The following NAALADL2 variants were observed in gnomAD, a reference collection of about 807,000 sequenced individuals.
The protein encoded by NAALADL2 is N-acetylated alpha-linked acidic dipeptidase like 2.
NAALADL2 carries 76 observed loss-of-function variants against 87.2 expected under a neutral mutation model. The ratio of observed to expected loss-of-function variants is 0.87; its 90% CI spans 0.72 to 1.05. The LOEUF is 1.05. Among genes scored for constraint, NAALADL2 ranks in the 50% least tolerant of loss-of-function variants. The probability of loss-of-function intolerance (pLI) is 0.00; values close to 1 mark genes in which losing one functional copy is unlikely to be tolerated. For synonymous variants in NAALADL2, 354 were observed against 331.0 expected (o/e 1.07, Z -0.75); for missense variants, 1,089 against 945.8 (o/e 1.15, Z -1.99).
At chr3:174,968,381 G>A (rs1299972862) in intron 1 of NAALADL2, among the ~76,000 whole-genome samples, 1 of 152,164 alleles carries the variant, frequency 6.6e-6, no homozygotes, top group Non-Finnish European at 1.5e-5. Flanking sequence ...TACAGATGAG[G>A]AAGCCAAGGC....
At chr3:174,776,221 C>T (rs1438217377) in intron 3 of NAALADL2, among the ~76,000 whole-genome samples, 1 of 152,134 alleles carries the variant, frequency 6.6e-6, no homozygotes, top group Non-Finnish European at 1.5e-5. Flanking sequence ...ACCTCCCTAA[C>T]ATCAACAATA....
intron 3 of NAALADL2, among the ~76,000 whole-genome samples, chr3:174,853,719 G>T (rs1725530888): frequency 6.6e-6 from 1 of 152,008 alleles, no homozygotes; most frequent in Admixed American, 6.6e-5. Flanking sequence ...ATGGGCCAAA[G>T]ATCTGAATAG....
intron 4 of NAALADL2, among the ~76,000 whole-genome samples, chr3:175,312,328 GT>G (rs1025527833): frequency 6.6e-6 from 1 of 151,760 alleles, no homozygotes; most frequent in Non-Finnish European, 1.5e-5. Context: ...TCAGGTTCAT[GT>G]TTTTTTAAGT....
chr3:175,462,155 G>A (rs1723239330), intron 6 of NAALADL2, among the ~76,000 whole-genome samples: 2 of 152,158 alleles, frequency 1.3e-5, no homozygotes, highest in Admixed American at 6.5e-5. Flanking sequence ...AGTAATGCAA[G>A]ATGTTAATAA....
chr3:175,354,881 T>TACACAC (rs142110969), intron 5 of NAALADL2, among the ~76,000 whole-genome samples: 41 of 146,934 alleles, frequency 2.8e-4, no homozygotes, highest in African/African-American at 9.0e-4. Flanking sequence ...TACATATATA[T>TACACAC]ACACACACAC....
At chr3:175,678,729 T>C (rs370802816) in intron 11 of NAALADL2, among the ~76,000 whole-genome samples, 8 of 151,096 alleles carry the variant, frequency 5.3e-5, no homozygotes, top group African/African-American at 2.0e-4. Context: ...TGTCGTGGGG[T>C]GGGGGGAGAG....
intron 2 of NAALADL2, among the ~76,000 whole-genome samples, chr3:175,216,856 A>T (rs1742631467): frequency 2.0e-5 from 3 of 151,914 alleles, no homozygotes; most frequent in East Asian, 1.9e-4. Context: ...TTTAGGAGAG[A>T]TGGTGTTAAA....
At chr3:174,573,857 C>T (rs769342330) in intron 2 of NAALADL2, among the ~76,000 whole-genome samples, 7 of 152,228 alleles carry the variant, frequency 4.6e-5, no homozygotes, top group Non-Finnish European at 7.4e-5. Flanking sequence ...CAGATTTCAA[C>T]ATGAGACTTG....
chr3:174,853,224 AAAAATT>A (rs1223666458), intron 3 of NAALADL2, among the ~76,000 whole-genome samples: 2 of 140,332 alleles, frequency 1.4e-5, no homozygotes, highest in African/African-American at 5.2e-5. Flanking sequence ...AAAAAAAAAA[AAAAATT>A]AGCCGGGTGT....
rs571764079 is a variant in NAALADL2 at position 174,770,968 on chromosome 3, G to A, written c.-9+33222G>A. Among the ~76,000 whole-genome samples, 31 of 152,242 alleles carry A rather than the reference G, an allele frequency of 2.0e-4. 1 individual carries two copies. The highest frequency in any genetic ancestry group is 4.1e-4 in the South Asian group (2 of 4,830). ...GTCACAATTTTCCAAGTTATATGTA[G>A]GAATCAAGCCTTTTTGTTAAAAGAT... On this transcript the variant is annotated intron_variant, in intron 3 of 3. Transcript: ENST00000434257.
chr3:175,680,012 A>G (rs773217672), intron 11 of NAALADL2, among the ~76,000 whole-genome samples: 3 of 152,132 alleles, frequency 2.0e-5, no homozygotes, highest in Non-Finnish European at 2.9e-5. Context: ...GTTGAGGAAA[A>G]AAGATTCTCC....
At chr3:175,000,630 C>G (rs868032708) in intron 1 of NAALADL2, among the ~76,000 whole-genome samples, 1 of 152,052 alleles carries the variant, frequency 6.6e-6, no homozygotes, top group Non-Finnish European at 1.5e-5. Flanking sequence ...GTTTTCTTCT[C>G]GTTATTTTTT....
intron 1 of NAALADL2, among the ~76,000 whole-genome samples, chr3:175,086,871 CCTTT>C (rs1338152788): frequency 2.0e-5 from 3 of 152,074 alleles, no homozygotes; most frequent in African/African-American, 7.2e-5. Context: ...TATTTATCAT[CCTTT>C]CTTTTTAACT....
At chr3:175,130,921 A>AT (rs1184776661) in intron 2 of NAALADL2, among the ~76,000 whole-genome samples, 4 of 151,926 alleles carry the variant, frequency 2.6e-5, no homozygotes, top group African/African-American at 9.7e-5. Flanking sequence ...ATTTAGGATT[A>AT]TTTTTTCTAT....
At chr3:175,459,057 T>C (rs917393103) in intron 6 of NAALADL2, among the ~76,000 whole-genome samples, 15 of 151,984 alleles carry the variant, frequency 9.9e-5, no homozygotes, top group African/African-American at 3.6e-4. Context: ...GGCCCTGATA[T>C]ACCATGCTGG....
At chr3:174,714,119 G>A (rs1233259028) in intron 2 of NAALADL2, among the ~76,000 whole-genome samples, 1 of 152,038 alleles carries the variant, frequency 6.6e-6, no homozygotes, top group East Asian at 1.9e-4. Flanking sequence ...GTAGATACGT[G>A]GCATTATTTC....
Position 175,324,239 on chromosome 3 carries a change from CAA to C in NAALADL2, c.1006_1007del (p.Lys336AspfsTer5). On this transcript the variant is annotated frameshift_variant, in exon 5 of 14. Transcript: ENST00000454872. LOFTEE classifies it high-confidence loss of function. ...CTGTATATCGATCCTTGTGATTTGC[CAA>C]AGACTGTGAATCCTAGCCATGATAC... 1.2e-6 allele frequency: 2 copies of C among 1,613,502 alleles called. No individual in the cohort carries two copies. The highest frequency in any genetic ancestry group is 1.7e-6 in the Non-Finnish European group (2 of 1,179,682).
At chr3:174,840,389 G>A (rs1382999530) in intron 3 of NAALADL2, among the ~76,000 whole-genome samples, 6 of 151,964 alleles carry the variant, frequency 3.9e-5, no homozygotes, top group Non-Finnish European at 7.4e-5. Flanking sequence ...ACTAGGAGTC[G>A]GAAGATAGGG....
chr3:174,578,602 T>G (rs1235250186), intron 2 of NAALADL2, among the ~76,000 whole-genome samples: 2 of 151,968 alleles, frequency 1.3e-5, no homozygotes, highest in East Asian at 1.9e-4. Context: ...AGATTTATAG[T>G]ACAAGAAATG....
Sources: gnomAD v4.1 joint callset for allele counts (sites outside exome capture counted in the v4.1 genomes callset) on GRCh38, gnomAD v4.1.1 for gene constraint, MANE v1.5 for transcripts, NCBI Gene and HGNC (gene_info 2026-07-23, HGNC 2026-07-21) for gene names.